The following GALNT13 variants were observed in gnomAD, a reference collection of about 807,000 sequenced individuals.
GALNT13 encodes the protein polypeptide N-acetylgalactosaminyltransferase 13, also known as UDP-GalNAc:polypeptide N-acetylgalactosaminyltransferase 13.
Under a neutral mutation model 64.2 loss-of-function variants are expected in GALNT13, and 28 were observed. The ratio of observed to expected loss-of-function variants is 0.44; its 90% CI spans 0.32 to 0.60. The LOEUF is 0.60. Among genes scored for constraint, GALNT13 ranks in the 20% least tolerant of loss-of-function variants. GALNT13 has a pLI of 0.05. For synonymous variants in GALNT13, 214 were observed against 224.6 expected, an observed-to-expected ratio of 0.95 and a Z score of 0.42; for missense variants, 577 against 669.8, an observed-to-expected ratio of 0.86 and a Z score of 1.53.
the GALNT13 span, among the ~76,000 whole-genome samples, chr2:153,436,178 C>A: frequency 6.6e-6 from 1 of 152,048 alleles, no homozygotes; most frequent in African/African-American, 2.4e-5. Context: ...GGGATGAAGC[C>A]CACGTGATCA....
intron 4 of GALNT13, among the ~76,000 whole-genome samples, chr2:154,224,220 ATCT>A (rs979274726): frequency 6.6e-6 from 1 of 152,128 alleles, no homozygotes; most frequent in African/African-American, 2.4e-5. Flanking sequence ...GCTATGATAA[ATCT>A]TCACATTTTA....
chr2:154,374,690 C>G (rs1449844831), intron 9 of GALNT13, among the ~76,000 whole-genome samples: 1 of 152,092 alleles, frequency 6.6e-6, no homozygotes, highest in Non-Finnish European at 1.5e-5. Flanking sequence ...TTCAACTGCC[C>G]CTTTTGCAGT....
intron 3 of GALNT13, among the ~76,000 whole-genome samples, chr2:154,076,299 G>A (rs1028437008): frequency 1.3e-5 from 2 of 151,652 alleles, no homozygotes; most frequent in African/African-American, 2.4e-5. Flanking sequence ...ACATCTTAAT[G>A]GGATTATGAT....
intron 3 of GALNT13, among the ~76,000 whole-genome samples, chr2:154,134,598 A>G (rs573807836): frequency 1.3e-5 from 2 of 152,366 alleles, no homozygotes; most frequent in South Asian, 4.1e-4. Flanking sequence ...AAATGATGGT[A>G]TATCCAAACT....
At chr2:153,317,442 T>G in the GALNT13 span, among the ~76,000 whole-genome samples, 3 of 152,170 alleles carry the variant, frequency 2.0e-5, no homozygotes, top group Non-Finnish European at 4.4e-5. Flanking sequence ...AAGTAAACTG[T>G]AATTCTTTGG....
At chr2:153,630,799 ATATATATATTTTTTTTTTT>A in the GALNT13 span, among the ~76,000 whole-genome samples, 4 of 16,166 alleles carry the variant, frequency 2.5e-4, no homozygotes, top group African/African-American at 8.7e-4. Context: ...ATATATATAT[ATATATATATTTTTTTTTTT>A]TTTTTTATTA....
the GALNT13 span, among the ~76,000 whole-genome samples, chr2:153,469,208 A>G: frequency 1.3e-5 from 2 of 152,118 alleles, no homozygotes; most frequent in Non-Finnish European, 2.9e-5. Flanking sequence ...TGTTGCAAAC[A>G]CAGAGATGCT....
intron 2 of GALNT13, among the ~76,000 whole-genome samples, chr2:153,930,935 T>C (rs1335304250): frequency 6.6e-6 from 1 of 152,110 alleles, no homozygotes; most frequent in Non-Finnish European, 1.5e-5. Context: ...TTTATCAGTA[T>C]TGATTCTTCC....
chr2:154,223,435 CT>C (rs1357424111), intron 4 of GALNT13, among the ~76,000 whole-genome samples: 22 of 140,198 alleles, frequency 1.6e-4, no homozygotes, highest in Middle Eastern at 4.1e-3. Context: ...TATTTATTTT[CT>C]TTTTTCTTTT....
At chr2:153,144,204 C>T in the GALNT13 span, among the ~76,000 whole-genome samples, 83 of 151,816 alleles carry the variant, frequency 5.5e-4, no homozygotes, top group Admixed American at 1.6e-3. Flanking sequence ...TGTTTATTTG[C>T]CTTGAAGTAA....
At chr2:153,468,961 G>A in the GALNT13 span, among the ~76,000 whole-genome samples, 1 of 152,036 alleles carries the variant, frequency 6.6e-6, no homozygotes, top group East Asian at 1.9e-4. Context: ...GTAATAACTG[G>A]ATAATTAGCT....
chr2:153,836,398 T>C, the GALNT13 span, among the ~76,000 whole-genome samples: 1 of 152,072 alleles, frequency 6.6e-6, no homozygotes, highest in Non-Finnish European at 1.5e-5. Flanking sequence ...ATTGTCATCA[T>C]GCTACACATT....
At chr2:153,078,979 A>G in the GALNT13 span, among the ~76,000 whole-genome samples, 10,125 of 152,218 alleles carry the variant, frequency 0.067, 374 homozygotes, top group Middle Eastern at 0.15. Context: ...ATAGTTTTGC[A>G]GTGATGGCAC....
At chr2:154,146,749 C>T (rs908999689) in intron 4 of GALNT13, among the ~76,000 whole-genome samples, 10 of 152,024 alleles carry the variant, frequency 6.6e-5, no homozygotes. Context: ...CCAGCATAAA[C>T]AAATCTCACT....
intron 4 of GALNT13, among the ~76,000 whole-genome samples, chr2:154,204,595 T>G (rs548748987): frequency 6.6e-6 from 1 of 152,316 alleles, no homozygotes; most frequent in African/African-American, 2.4e-5. Context: ...AAAGTTAAAT[T>G]TCTAAACCAA....
At chr2:154,190,696 G>A (rs1686528157) in intron 4 of GALNT13, among the ~76,000 whole-genome samples, 1 of 152,120 alleles carries the variant, frequency 6.6e-6, no homozygotes, top group Admixed American at 6.5e-5. Context: ...TGCAACCTCT[G>A]AAGTATGAAA....
the GALNT13 span, among the ~76,000 whole-genome samples, chr2:153,635,400 A>ATATATATATATACACATATATATG: frequency 5.9e-3 from 89 of 15,044 alleles, 1 homozygote; most frequent in African/African-American, 0.025. Context: ...GTAAATATGT[A>ATATATATATATACACATATATATG]TATATATATA....
chr2:153,799,247 T>A, the GALNT13 span, among the ~76,000 whole-genome samples: 3 of 152,168 alleles, frequency 2.0e-5, no homozygotes, highest in Admixed American at 1.3e-4. Flanking sequence ...GTGTTCTTGC[T>A]AAATGTAAAA....
the GALNT13 span, among the ~76,000 whole-genome samples, chr2:153,341,659 C>T: frequency 6.6e-6 from 1 of 152,142 alleles, no homozygotes; most frequent in Non-Finnish European, 1.5e-5. Flanking sequence ...GTCAGCATTA[C>T]CAGTAGGAAA....
Sources: gnomAD v4.1 joint callset for allele counts (sites outside exome capture counted in the v4.1 genomes callset) on GRCh38, gnomAD v4.1.1 for gene constraint, MANE v1.5 for transcripts, NCBI Gene and HGNC (gene_info 2026-07-23, HGNC 2026-07-21) for gene names.